CPNE7: variants seen among roughly 807,000 people sequenced by gnomAD.
CPNE7 encodes the protein copine-7.
CPNE7 carries 78 observed loss-of-function variants against 66.5 expected under a neutral mutation model. The observed-to-expected ratio is 1.17, with a 90% CI of 0.98 to 1.42. The LOEUF (loss-of-function observed/expected upper bound fraction) is 1.42. Ranked by LOEUF, CPNE7 falls within the 40% of genes most tolerant of loss-of-function variation. The pLI, the probability that CPNE7 is intolerant of heterozygous loss-of-function variation, is 0.00. For missense variants in CPNE7, 1,012 were observed against 776.6 expected (o/e 1.30, Z -3.60); for synonymous variants, 468 against 336.7 (o/e 1.39, Z -4.27).
chr16:89,590,719 T>C (rs1024191440), intron 11 of CPNE7, among the ~76,000 whole-genome samples: 26 of 137,404 alleles, frequency 1.9e-4, no homozygotes, highest in African/African-American at 6.9e-4. Flanking sequence ...AGCCTACCTC[T>C]CTCAGTAGGT....
At chr16:89,578,295 C>T (rs960922482) in intron 2 of CPNE7, among the ~76,000 whole-genome samples, 2 of 151,718 alleles carry the variant, frequency 1.3e-5, no homozygotes, top group African/African-American at 4.8e-5. Flanking sequence ...GAAATCCTGA[C>T]CTCGTGATCC....
intron 2 of CPNE7, among the ~76,000 whole-genome samples, chr16:89,582,522 C>A (rs780847260): frequency 8.5e-5 from 13 of 152,168 alleles, no homozygotes; most frequent in Non-Finnish European, 1.8e-4. Flanking sequence ...GGCTCAGGAG[C>A]CCCAGAAGGA....
intron 8 of CPNE7, 71 bp from the exon 9 acceptor site, chr16:89,586,972 G>A (rs2059051603): frequency 6.8e-7 from 1 of 1,466,774 alleles, no homozygotes; most frequent in African/African-American, 1.4e-5. Context: ...GCGGGAGGCA[G>A]GCCTGGATCC....
intron 13 of CPNE7, among the ~76,000 whole-genome samples, chr16:89,591,838 C>G (rs2377054): frequency 6.6e-6 from 1 of 150,804 alleles, no homozygotes; most frequent in Non-Finnish European, 1.5e-5. Flanking sequence ...GGAGCTGGGA[C>G]TACAGGCGCC....
At chr16:89,580,296 C>T (rs2058932071) in intron 2 of CPNE7, among the ~76,000 whole-genome samples, 1 of 138,852 alleles carries the variant, frequency 7.2e-6, no homozygotes, top group South Asian at 2.5e-4. Flanking sequence ...TCACACGGAA[C>T]ATCCCGTCAC....
intron 1 of CPNE7, 83 bp downstream of exon 1, chr16:89,576,154 G>C: frequency 1.7e-6 from 2 of 1,166,214 alleles, no homozygotes. Context: ...GAGCGGGCGC[G>C]CTGAGGCCAG....
chr16:89,594,779 A>G (rs1164514245), intron 13 of CPNE7, among the ~76,000 whole-genome samples: 2 of 150,000 alleles, frequency 1.3e-5, no homozygotes, highest in Non-Finnish European at 3.0e-5. Flanking sequence ...AGCCTCCCGA[A>G]TAGCTGGGAT....
At chr16:89,587,478 G>A (rs2059073116) in intron 9 of CPNE7, 2 of 444,434 alleles carry the variant, frequency 4.5e-6, no homozygotes, top group Admixed American at 2.4e-5. Flanking sequence ...CGGGCTTGGG[G>A]TTCAGGAAGC....
Position 89,591,128 on chromosome 16 carries a change from C to T in CPNE7, c.1170C>T (p.Gly390=), listed in dbSNP as rs955550167. 6.2e-7 allele frequency: 1 copy of T among 1,612,480 alleles called. No individual in the cohort carries two copies. Among genetic ancestry groups the T allele is most frequent in the Non-Finnish European group, 8.5e-7 (1 of 1,179,576 alleles). ...GGGCTCACCCCCTGCCCCCCACAGG[C>T]ATCCAGGGCGTGGTGGAGGCCTACC... is the stretch of plus-strand genomic sequence containing the variant. ...NFNPEDDECE[G]IQGVVEAYQN... Residue 390 remains glycine, a splice_region_variant and synonymous_variant, in exon 13 of 15, where the codon GGC becomes GGT. Transcript: ENST00000319518.
chr16:89,577,725 G>A lies in CPNE7; in HGVS notation c.357+4G>A. ...CATGGAGTGCACCCTGGGGCAGGTG[G>A]GTGCCCCGTCCCCTCGGAGGGAGGA... is the stretch of plus-strand genomic sequence containing the variant. On this transcript the variant is annotated splice_donor_region_variant and intron_variant, in intron 2 of 14. Transcript: ENST00000319518. 6.3e-7 allele frequency: 1 copy of A among 1,585,700 alleles called. No individual in the cohort carries two copies. The highest frequency in any genetic ancestry group is 8.6e-7 in the Non-Finnish European group (1 of 1,166,442).
intron 2 of CPNE7, among the ~76,000 whole-genome samples, chr16:89,580,698 T>C (rs1466923725): frequency 4.1e-5 from 4 of 96,440 alleles, no homozygotes; most frequent in Admixed American, 1.1e-4. Context: ...ACATCTCACC[T>C]GTCACACGGA....
At position 89,586,468 on chromosome 16, in the gene CPNE7, G is replaced by A. The variant is rs376281283; in HGVS notation, c.781-202G>A. 2.6e-4 allele frequency among the ~76,000 whole-genome samples: 40 copies of A among 151,910 alleles called. No homozygotes were observed. In the South Asian group the frequency reaches 5.6e-3, roughly 21 times the overall value. ...TTGGGCTTAATGACAGGGCCATGCC[G>A]GGTGGGGGATGCAACTCCCATCCCT... is the stretch of plus-strand genomic sequence containing the variant. On this transcript the variant is annotated intron_variant, in intron 7 of 14. Transcript: ENST00000319518.
At chr16:89,590,056 G>A (rs1025860925) in intron 11 of CPNE7, 105 bp downstream of exon 11, 6 of 1,293,354 alleles carry the variant, frequency 4.6e-6, no homozygotes, top group East Asian at 4.9e-5. Flanking sequence ...CTGGGAACCG[G>A]AGACTGTAGG....
chr16:89,576,019 A>T lies in CPNE7; in HGVS notation c.122A>T (p.Lys41Met), dbSNP rs937202449. The T allele has an allele frequency of 1.5e-6, 2 of 1,357,994 alleles. No homozygotes were observed. The highest frequency in any genetic ancestry group is 1.9e-6 in the Non-Finnish European group (2 of 1,054,648). The allele number at this position is 1,357,994 out of a possible 1,614,324, so 84.1% of individuals were successfully genotyped here. Residue 41 changes from lysine (K) to methionine (M), a missense_variant, in exon 1 of 15, where the codon AAG becomes ATG. Physicochemically the swap from Lys to Met is moderately conservative, Grantham distance 95 (BLOSUM62 -1). Transcript: ENST00000319518. The part of the protein sequence containing the change: ...RHLLDRDPLT[K>M]SDPSVALLQQ... Reference sequence around the variant, plus strand: ...CTGCTGGACCGCGACCCGCTCACCAAGTCCGACCCCAGCGTGGCGTTGCTG... The same window carrying T: ...CTGCTGGACCGCGACCCGCTCACCATGTCCGACCCCAGCGTGGCGTTGCTG...
intron 5 of CPNE7, 115 bp from the exon 6 acceptor site, chr16:89,585,349 C>G: frequency 1.4e-6 from 1 of 735,044 alleles, no homozygotes; most frequent in East Asian, 2.7e-5. Context: ...TGGGGTGATG[C>G]AGGGGCAGGG....
In CPNE7 at chr16:89,586,732, A is replaced by G; in HGVS notation, c.843A>G (p.Gly281=). The change falls in exon 8 of 15, where the codon GGA becomes GGG. Residue 281 remains glycine (G), a synonymous_variant. Transcript: ENST00000319518. ...AGAGACGCAGTTATAAGAACTCAGG[A>G]GTGGTCGTCCTGGCTGACCTCAAGG... ...KQKRRSYKNS[G]VVVLADLKFH... is the part of the protein sequence containing the mutation. 2 of 1,612,634 alleles carry G rather than the reference A, an allele frequency of 1.2e-6. No homozygotes were observed. The highest frequency in any genetic ancestry group is 1.7e-6 in the Non-Finnish European group (2 of 1,179,604).
rs2059259322 is a variant in CPNE7 at position 89,596,555 on chromosome 16, C to T, written c.1611C>T (p.His537=). 1.2e-6 allele frequency: 2 copies of T among 1,609,334 alleles called. No homozygotes were observed. The highest frequency in any genetic ancestry group is 1.3e-5 in the African/African-American group (1 of 74,928). The part of the protein sequence containing the change: ...VPKQVVEYYS[H]RGLPPRSLGV... ...AGCAGGTGGTGGAGTACTACAGCCA[C>T]AGAGGCCTGCCCCCGAGAAGCCTGG... The change falls in exon 15 of 15, where the codon CAC becomes CAT. Residue 537 remains histidine (H), a synonymous_variant. Transcript: ENST00000319518.
chr16:89,580,684 C>T (rs1196263621), intron 2 of CPNE7, among the ~76,000 whole-genome samples: 1 of 141,368 alleles, frequency 7.1e-6, no homozygotes, highest in Non-Finnish European at 1.5e-5. Flanking sequence ...ACCCATCACA[C>T]GGAACATCTC....
Position 89,584,056 on chromosome 16 carries a change from A to G in CPNE7, c.461A>G (p.Asn154Ser), listed in dbSNP as rs2058997320. The G allele has an allele frequency of 6.2e-7, 1 of 1,612,102 alleles. No individual in the cohort carries two copies. Among genetic ancestry groups the G allele is most frequent in the East Asian group, 2.2e-5 (1 of 44,864 alleles). The change falls in exon 4 of 15, where the codon AAC (asparagine) becomes AGC (serine). Residue 154 changes from asparagine (N) to serine (S), a missense_variant. Physicochemically the swap from Asn to Ser is conservative, Grantham distance 46. Coordinates refer to ENST00000319518, the MANE Select transcript of CPNE7 (RefSeq NM_153636.3). This position sits in a 1 kb window ranked among gnomAD's most constrained non-coding sequence, Gnocchi z 6.0. Reference protein sequence around the residue: ...TVIAEDISGNNGYVELSFRAR... With the variant: ...TVIAEDISGNSGYVELSFRAR... ...ATCGCCGAGGACATCTCGGGGAACA[A>G]CGGCTACGTGGAGCTCTCCTTCCGG... is the stretch of plus-strand genomic sequence containing the variant.
Sources: gnomAD v4.1 joint callset for allele counts (sites outside exome capture counted in the v4.1 genomes callset) on GRCh38, gnomAD v4.1.1 for gene constraint, Gnocchi (gnomAD v3.1) non-coding constraint, MANE v1.5 for transcripts, NCBI Gene and HGNC (gene_info 2026-07-23, HGNC 2026-07-21) for gene names.